The following CSMD3 variants were observed in gnomAD, a reference collection of about 807,000 sequenced individuals.
The protein encoded by CSMD3 is CUB and sushi domain-containing protein 3.
CSMD3 carries 177 observed loss-of-function variants against 435.2 expected under a neutral mutation model. The ratio of observed to expected loss-of-function variants is 0.41; its 90% CI spans 0.36 to 0.46. The LOEUF (loss-of-function observed/expected upper bound fraction) is 0.46, where lower values mean the gene tolerates loss of function less well. Ranked by LOEUF, CSMD3 falls within the 20% of genes least tolerant of loss-of-function variation. The pLI is 0.34. For missense variants in CSMD3, 4,265 were observed against 4,504.6 expected, an observed-to-expected ratio of 0.95 and a Z score of 1.52; for synonymous variants, 1,656 against 1,520.5, an observed-to-expected ratio of 1.09 and a Z score of -2.07.
chr8:112,812,421 A>T (rs1025260445), intron 12 of CSMD3, among the ~76,000 whole-genome samples: 1 of 152,116 alleles, frequency 6.6e-6, no homozygotes. Context: ...AGAGATGCAA[A>T]CCCCCTGGAA....
chr8:112,736,843 G>A (rs540637491), intron 13 of CSMD3, among the ~76,000 whole-genome samples: 30 of 151,956 alleles, frequency 2.0e-4, no homozygotes, highest in Non-Finnish European at 4.1e-4. Context: ...GGGAACAATG[G>A]GAGAAAATCT....
rs1270763361 is a variant in CSMD3 at position 113,185,645 on chromosome 8, G to GA, written c.515-11730dup. On this transcript the variant is annotated intron_variant, in intron 3 of 70. Coordinates refer to ENST00000297405, the MANE Select transcript of CSMD3 (RefSeq NM_198123.2). ...GGAGGATATATCTTTGCCCATTGTT[G>GA]AAAATGATGGGCTGTAGAGTATGTT... Among the ~76,000 whole-genome samples the GA allele has an allele frequency of 1.1e-4, 17 of 152,082 alleles. No individual in the cohort carries two copies. In the East Asian group the frequency reaches 3.3e-3, roughly 30 times the overall value.
chr8:113,271,637 G>T (rs2093527900), intron 3 of CSMD3, among the ~76,000 whole-genome samples: 1 of 152,132 alleles, frequency 6.6e-6, no homozygotes, highest in Non-Finnish European at 1.5e-5. Flanking sequence ...TTTGCTGCAG[G>T]GGTGGGGCCC....
chr8:113,004,136 C>T (rs2085968710), intron 6 of CSMD3, among the ~76,000 whole-genome samples: 1 of 151,796 alleles, frequency 6.6e-6, no homozygotes, highest in Non-Finnish European at 1.5e-5. Context: ...AAATGTAGAA[C>T]TATGAGTAGT....
intron 3 of CSMD3, among the ~76,000 whole-genome samples, chr8:113,275,169 C>A (rs1169829477): frequency 6.6e-6 from 1 of 151,938 alleles, no homozygotes; most frequent in Non-Finnish European, 1.5e-5. Flanking sequence ...TTTTTCCTCA[C>A]AACACTATGA....
At position 112,568,102 on chromosome 8, in the gene CSMD3, C is replaced by A. The variant is rs565341227; in HGVS notation, c.4042+5399G>T. ...AGGGATGGAAGAGCAGTGAAATCCC[C>A]TAGAGGTCATAAATATCTAAGTGTA... On this transcript the variant is annotated intron_variant, in intron 24 of 70. Transcript: ENST00000297405. Among the ~76,000 whole-genome samples the A allele has an allele frequency of 2.4e-3, 364 of 152,190 alleles. 2 individuals are homozygous for A. The highest frequency in any genetic ancestry group is 8.5e-3 in the African/African-American group (352 of 41,544).
intron 2 of CSMD3, among the ~76,000 whole-genome samples, chr8:113,279,522 G>C (rs2093596748): frequency 6.6e-6 from 1 of 151,670 alleles, no homozygotes; most frequent in South Asian, 2.1e-4. Context: ...GTTACTCAAA[G>C]TAATAGAGAA....
chr8:113,417,602 G>A (rs1327988697), intron 1 of CSMD3, among the ~76,000 whole-genome samples: 1 of 152,018 alleles, frequency 6.6e-6, no homozygotes, highest in East Asian at 1.9e-4. Context: ...CATACCTTGA[G>A]GAGGTGAAAA....
chr8:113,288,506 G>A (rs912417070), intron 2 of CSMD3, among the ~76,000 whole-genome samples: 1 of 151,652 alleles, frequency 6.6e-6, no homozygotes, highest in Non-Finnish European at 1.5e-5. Flanking sequence ...CTTCTATAAT[G>A]TCCCCCTTCT....
chr8:113,267,901 T>C (rs948716949), intron 3 of CSMD3, among the ~76,000 whole-genome samples: 1 of 151,800 alleles, frequency 6.6e-6, no homozygotes, highest in Non-Finnish European at 1.5e-5. Context: ...ATTGTCTAAC[T>C]GATACATGCC....
At chr8:112,717,273 T>A (rs545485616) in intron 13 of CSMD3, among the ~76,000 whole-genome samples, 19 of 151,258 alleles carry the variant, frequency 1.3e-4, no homozygotes, top group Non-Finnish European at 2.2e-4. Context: ...GAACAGATGC[T>A]TCTCAAAAGA....
chr8:112,242,702 A>G (rs1814284134), intron 65 of CSMD3, among the ~76,000 whole-genome samples: 2 of 152,188 alleles, frequency 1.3e-5, no homozygotes, highest in African/African-American at 4.8e-5. Context: ...TATAGATAAA[A>G]GAAATGTATG....
At chr8:112,878,012 A>G (rs2081337642) in intron 10 of CSMD3, among the ~76,000 whole-genome samples, 1 of 152,174 alleles carries the variant, frequency 6.6e-6, no homozygotes, top group Admixed American at 6.6e-5. Flanking sequence ...GTATGGACAA[A>G]TACTTCATGA....
intron 22 of CSMD3, among the ~76,000 whole-genome samples, chr8:112,600,665 TA>T (rs1173491282): frequency 1.3e-5 from 2 of 152,100 alleles, no homozygotes; most frequent in Non-Finnish European, 2.9e-5. Flanking sequence ...ATATTTCTTA[TA>T]TCTCATGATT....
chr8:113,326,317 A>C (rs1330572679), intron 1 of CSMD3, among the ~76,000 whole-genome samples: 2 of 151,462 alleles, frequency 1.3e-5, no homozygotes, highest in African/African-American at 4.8e-5. Context: ...TTTTAAAGTG[A>C]CCATGTTGTT....
chr8:113,162,339 G>T (rs928187500), intron 4 of CSMD3, among the ~76,000 whole-genome samples: 22 of 151,928 alleles, frequency 1.4e-4, no homozygotes, highest in Non-Finnish European at 2.9e-4. Context: ...CGTGAGGCAG[G>T]TAGATCACCT....
intron 25 of CSMD3, among the ~76,000 whole-genome samples, chr8:112,555,665 G>A (rs539296327): frequency 1.3e-5 from 2 of 152,034 alleles, no homozygotes; most frequent in East Asian, 3.9e-4. Context: ...AACCAACAGA[G>A]GTCTCATAGC....
intron 22 of CSMD3, among the ~76,000 whole-genome samples, chr8:112,590,302 C>G (rs1459940846): frequency 3.3e-5 from 5 of 152,008 alleles, no homozygotes; most frequent in Non-Finnish European, 5.9e-5. Context: ...AGAGCCCTGA[C>G]CTGTCCTGAA....
At chr8:112,310,906 T>C in intron 50 of CSMD3, 72 bp downstream of exon 50, 1 of 1,296,150 alleles carries the variant, frequency 7.7e-7, no homozygotes, top group South Asian at 1.2e-5. Flanking sequence ...AAGTTAGTGA[T>C]CCAAATAAAA....
Sources: gnomAD v4.1 joint callset for allele counts (sites outside exome capture counted in the v4.1 genomes callset) on GRCh38, gnomAD v4.1.1 for gene constraint, MANE v1.5 for transcripts, NCBI Gene and HGNC (gene_info 2026-07-23, HGNC 2026-07-21) for gene names.